Variants in TMEM245 observed in about 807,000 individuals in gnomAD.
TMEM245 encodes the protein transmembrane protein 245.
A neutral mutation model predicts 101.2 loss-of-function variants in TMEM245; 69 were observed. That is an observed-to-expected ratio of 0.68 (90% confidence interval 0.56 to 0.83). The LOEUF is 0.83. Ranked by LOEUF, TMEM245 falls within the 40% of genes least tolerant of loss-of-function variation. The pLI, the probability that TMEM245 is intolerant of heterozygous loss-of-function variation, is 0.00. For synonymous variants in TMEM245, 537 were observed against 449.8 expected, an observed-to-expected ratio of 1.19 and a Z score of -2.45; for missense variants, 1,075 against 1,092.8, an observed-to-expected ratio of 0.98 and a Z score of 0.23.
intron 16 of TMEM245, among the ~76,000 whole-genome samples, chr9:109,035,380 T>A (rs1209018147): frequency 6.6e-6 from 1 of 152,140 alleles, no homozygotes; most frequent in African/African-American, 2.4e-5. Flanking sequence ...TGGCTTGATA[T>A]ACTTAATGCA....
At chr9:109,116,225 G>A (rs549659702) in intron 1 of TMEM245, among the ~76,000 whole-genome samples, 23 of 152,286 alleles carry the variant, frequency 1.5e-4, no homozygotes, top group African/African-American at 5.5e-4. Context: ...AAGTAGCCTA[G>A]AAAGCATAAA....
Position 109,050,441 on chromosome 9 carries a change from G to C in TMEM245, c.1978-13C>G. On this transcript the variant is annotated splice_polypyrimidine_tract_variant and intron_variant, in intron 13 of 17. Coordinates refer to ENST00000374586, the MANE Select transcript of TMEM245 (RefSeq NM_032012.4). ...TCAGGAAAATTATCTGCAAAACAAA[G>C]GACAACATCTCCTAAAAAAATCGTA... 1 of 1,612,948 alleles carries C rather than the reference G, an allele frequency of 6.2e-7. No homozygotes were observed. Among genetic ancestry groups the C allele is most frequent in the Non-Finnish European group, 8.5e-7 (1 of 1,179,352 alleles).
chr9:109,073,213 C>T, intron 9 of TMEM245, 143 bp downstream of exon 9: 1 of 658,504 alleles, frequency 1.5e-6, no homozygotes, highest in Non-Finnish European at 2.7e-6. Flanking sequence ...CATTCTTCTT[C>T]AAAAATGACA....
Position 109,119,777 on chromosome 9 carries a change from A to C in TMEM245, c.137T>G (p.Phe46Cys), listed in dbSNP as rs1371468426. The change falls in exon 1 of 18, where the codon TTC becomes TGC. Residue 46 changes from phenylalanine (F) to cysteine (C), a missense_variant. Physicochemically the swap from Phe to Cys is radical, Grantham distance 205 (BLOSUM62 -2). Around this residue, in one of 2 missense-constraint regions of TMEM245, gnomAD observed 808 missense variants for 741.5 expected, o/e 1.09. Coordinates refer to ENST00000374586, the MANE Select transcript of TMEM245 (RefSeq NM_032012.4). The part of the protein sequence containing the change: ...TPRTAALALR[F>C]DKPIKQAFYN... ...GAAGGCCTGCTTAATGGGCTTGTCG[A>C]AGCGCAGCGCCAGCGCCGCGGTCCG... 1 of 1,486,594 alleles carries C rather than the reference A, an allele frequency of 6.7e-7. No individual in the cohort carries two copies. The highest frequency in any genetic ancestry group is 8.9e-7 in the Non-Finnish European group (1 of 1,122,352). The allele number at this position is 1,486,594 out of a possible 1,614,324, so 92.1% of individuals were successfully genotyped here.
intron 8 of TMEM245, among the ~76,000 whole-genome samples, chr9:109,077,017 A>C (rs1170852199): frequency 6.6e-6 from 1 of 151,926 alleles, no homozygotes; most frequent in African/African-American, 2.4e-5. Context: ...TTTATTGAAC[A>C]TATTGTTTAT....
chr9:109,046,273 G>T, intron 14 of TMEM245: 1 of 534,438 alleles, frequency 1.9e-6, no homozygotes, highest in Non-Finnish European at 3.8e-6. Flanking sequence ...GTGACAACAT[G>T]CAACTTAGTA....
chr9:109,066,452 CA>C (rs386415818), intron 9 of TMEM245, among the ~76,000 whole-genome samples: 1,044 of 52,386 alleles, frequency 0.02, 2 homozygotes, highest in African/African-American at 0.034. Flanking sequence ...AAGACTGTCT[CA>C]AAAAAAAAAA....
chr9:109,083,911 A>AAAAAC (rs1564197253), intron 7 of TMEM245, among the ~76,000 whole-genome samples: 1 of 112,578 alleles, frequency 8.9e-6, no homozygotes, highest in African/African-American at 3.5e-5. Flanking sequence ...CAAAAAAAAA[A>AAAAAC]AAAAAAAAAA....
intron 1 of TMEM245, among the ~76,000 whole-genome samples, chr9:109,114,638 G>C (rs1830662506): frequency 6.6e-6 from 1 of 152,132 alleles, no homozygotes; most frequent in Non-Finnish European, 1.5e-5. Context: ...AGAGACCACA[G>C]AAAAAACAAA....
In TMEM245 at chr9:109,082,474, G is replaced by T. The variant is rs1829694258; in HGVS notation, c.1345-1531C>A. On this transcript the variant is annotated intron_variant, in intron 7 of 17. Coordinates refer to ENST00000374586, the MANE Select transcript of TMEM245 (RefSeq NM_032012.4). Reference sequence around the variant, plus strand: ...ACTAGTTATCAAGGCAGCTTCCTGGGGAAAGAGCTAGGTTTGTATCACTCC... The same window carrying T: ...ACTAGTTATCAAGGCAGCTTCCTGGTGAAAGAGCTAGGTTTGTATCACTCC... Among the ~76,000 whole-genome samples, 6 of 152,288 alleles carry T rather than the reference G, an allele frequency of 3.9e-5. No homozygotes were observed. The South Asian group carries it at 1.2e-3, about 32-fold the overall frequency.
intron 2 of TMEM245, among the ~76,000 whole-genome samples, chr9:109,107,235 A>T (rs924999691): frequency 7.3e-5 from 11 of 151,560 alleles, no homozygotes; most frequent in South Asian, 4.2e-4. Flanking sequence ...TAAAAATAAA[A>T]ATAAAAAAAA....
intron 11 of TMEM245, among the ~76,000 whole-genome samples, chr9:109,058,456 G>A (rs559967358): frequency 1.3e-5 from 2 of 152,204 alleles, no homozygotes; most frequent in South Asian, 2.1e-4. Flanking sequence ...TAAGGGCCAG[G>A]TAAAATGGCT....
chr9:109,075,282 T>A (rs898137147), intron 8 of TMEM245, among the ~76,000 whole-genome samples: 8 of 152,230 alleles, frequency 5.3e-5, no homozygotes, highest in African/African-American at 1.7e-4. Flanking sequence ...TAATGTTTTG[T>A]TAAGGATTTT....
chr9:109,059,428 A>G (rs1828941200), intron 11 of TMEM245, among the ~76,000 whole-genome samples: 1 of 152,076 alleles, frequency 6.6e-6, no homozygotes, highest in Non-Finnish European at 1.5e-5. Context: ...TATCCACTCT[A>G]TACACAGCAC....
chr9:109,048,403 T>C (rs1044172459), intron 14 of TMEM245, among the ~76,000 whole-genome samples: 5 of 149,920 alleles, frequency 3.3e-5, no homozygotes, highest in African/African-American at 1.2e-4. Flanking sequence ...TGAAAAAATA[T>C]ACCAAGATCA....
In TMEM245 at chr9:109,036,448, A is replaced by G. The variant is rs1004648391; in HGVS notation, c.2225-68T>C. ...AAACACTAACAAAGCAAAAGAATCT[A>G]AGCAGTAGCTCCTCCTCAACAACTT... On this transcript the variant is annotated intron_variant, in intron 15 of 17. Transcript: ENST00000374586. The G allele has an allele frequency of 8.6e-6, 12 of 1,399,066 alleles. No individual in the cohort carries two copies. The African/African-American group carries it at 1.7e-4, about 20-fold the overall frequency. The allele number at this position is 1,399,066 out of a possible 1,614,324, so 86.7% of individuals were successfully genotyped here.
At chr9:109,067,399 C>T (rs1035285591) in intron 9 of TMEM245, among the ~76,000 whole-genome samples, 3 of 152,162 alleles carry the variant, frequency 2.0e-5, no homozygotes, top group Non-Finnish European at 4.4e-5. Context: ...CTCCCCTACT[C>T]ACTCAAGAGG....
rs1827394590 is a variant in TMEM245 at position 109,015,214 on chromosome 9, A to C, written c.*5246T>G. 6.7e-6 allele frequency: 1 copy of C among 148,656 alleles called. No homozygotes were observed. The highest frequency in any genetic ancestry group is 1.5e-5 in the Non-Finnish European group (1 of 66,272). 9.2% of individuals were successfully genotyped at this position (148,656 alleles called of 1,614,324 possible). ...TATTTCACATTAATAAAGAAGTTAC[A>C]TCAGTAGGTTGTCAAAGCAAGTTAG... On this transcript the variant is annotated 3_prime_UTR_variant, in exon 18 of 18. Coordinates refer to ENST00000374586, the MANE Select transcript of TMEM245 (RefSeq NM_032012.4).
At chr9:109,081,738 C>T (rs780901289) in intron 7 of TMEM245, among the ~76,000 whole-genome samples, 1 of 152,116 alleles carries the variant, frequency 6.6e-6, no homozygotes, top group Non-Finnish European at 1.5e-5. Flanking sequence ...AAAACATAAG[C>T]TTTATGACAT....
Sources: allele counts gnomAD v4.1 joint callset (sites outside exome capture counted in the v4.1 genomes callset), GRCh38; gene constraint gnomAD v4.1.1; regional missense constraint gnomAD v4.1.1; transcripts MANE v1.5; gene names NCBI Gene and HGNC (gene_info 2026-07-23, HGNC 2026-07-21).